The following PSAT1 variants were observed in gnomAD, a reference collection of about 807,000 sequenced individuals.
The protein encoded by PSAT1 is phosphoserine aminotransferase 1, also known as phosphoserine aminotransferase.
Under a neutral mutation model 40.3 loss-of-function variants are expected in PSAT1, and 41 were observed. The ratio of observed to expected loss-of-function variants is 1.02; its 90% CI spans 0.79 to 1.32. The LOEUF is 1.32. PSAT1 is among the 40% of genes most tolerant of loss of function. PSAT1 has a pLI of 0.00. For missense variants in PSAT1, 406 were observed against 455.8 expected (o/e 0.89, Z 0.99); for synonymous variants, 147 against 170.5 (o/e 0.86, Z 1.07).
intron 1 of PSAT1, chr9:78,298,258 G>A (rs925521542): frequency 1.0e-6 from 1 of 982,772 alleles, no homozygotes. Context: ...GGCTGCCGCC[G>A]CCGTTAGATT....
chr9:78,312,922 C>A (rs1165783069), intron 6 of PSAT1, among the ~76,000 whole-genome samples: 4 of 152,158 alleles, frequency 2.6e-5, no homozygotes, highest in Non-Finnish European at 5.9e-5. Context: ...CCTGAGAAAA[C>A]TGTGCCATAA....
chr9:78,309,858 A>G (rs949637997), intron 6 of PSAT1, among the ~76,000 whole-genome samples: 1 of 152,176 alleles, frequency 6.6e-6, no homozygotes, highest in Non-Finnish European at 1.5e-5. Flanking sequence ...AGAGTCTAGT[A>G]TTTACTAGCT....
Position 78,318,480 on chromosome 9 carries a change from A to T in PSAT1, c.869+676A>T, listed in dbSNP as rs938380583. Among the ~76,000 whole-genome samples, 11 of 152,300 alleles carry T rather than the reference A, an allele frequency of 7.2e-5. No homozygotes were observed. The East Asian group carries it at 1.9e-3, about 27-fold the overall frequency. The stretch of plus-strand genomic sequence containing the variant: ...AGTGGCTCAAAACATCAGAAAACTG[A>T]TTCTCACTCTTCTGGGGCCAGAAGT... On this transcript the variant is annotated intron_variant, in intron 7 of 8. Transcript: ENST00000376588.
intron 7 of PSAT1, among the ~76,000 whole-genome samples, chr9:78,324,008 C>T (rs1358036158): frequency 6.6e-6 from 1 of 152,116 alleles, no homozygotes; most frequent in African/African-American, 2.4e-5. Flanking sequence ...GCCTTACCAC[C>T]TTCGTGGGAT....
At chr9:78,322,142 A>C (rs1003214026) in intron 7 of PSAT1, among the ~76,000 whole-genome samples, 8 of 149,148 alleles carry the variant, frequency 5.4e-5, no homozygotes, top group African/African-American at 1.7e-4. Context: ...ATAAGTATAT[A>C]ATATATATTA....
In PSAT1 at chr9:78,304,818, G is replaced by A; in HGVS notation, c.275G>A (p.Gly92Asp). The change falls in exon 4 of 9, where the codon GGC becomes GAC. Residue 92 changes from glycine to aspartate, a missense_variant. Physicochemically the swap from Gly to Asp is moderately conservative, Grantham distance 94. Coordinates refer to ENST00000376588, the MANE Select transcript of PSAT1 (RefSeq NM_058179.4). Reference sequence around the variant, plus strand: ...AGTGCTGTCCCCTTAAACCTCATTGGCTTGAAAGCAGGAAGGTGTGCTGAC... The same window carrying A: ...AGTGCTGTCCCCTTAAACCTCATTGACTTGAAAGCAGGAAGGTGTGCTGAC... ...QFSAVPLNLI[G>D]LKAGRCADYV... The A allele has an allele frequency of 3.1e-6, 5 of 1,614,182 alleles. No homozygotes were observed. The highest frequency in any genetic ancestry group is 4.2e-6 in the Non-Finnish European group (5 of 1,180,034).
intron 8 of PSAT1, among the ~76,000 whole-genome samples, chr9:78,328,584 C>T (rs62565653): frequency 0.11 from 17,256 of 152,070 alleles, 1,148 homozygotes; most frequent in South Asian, 0.17. Context: ...AATAAATGTC[C>T]TCACATGAGA....
chr9:78,299,002 T>C (rs1396278816), intron 1 of PSAT1, among the ~76,000 whole-genome samples: 2 of 151,948 alleles, frequency 1.3e-5, no homozygotes, highest in Non-Finnish European at 2.9e-5. Flanking sequence ...GAGCTGGGTG[T>C]GGTGGCGCAC....
intron 6 of PSAT1, among the ~76,000 whole-genome samples, chr9:78,313,422 G>A (rs931685735): frequency 1.3e-5 from 2 of 151,990 alleles, no homozygotes; most frequent in East Asian, 3.9e-4. Flanking sequence ...AAGACTTGCA[G>A]GTGGGCAGAG....
At position 78,297,278 on chromosome 9, in the gene PSAT1, C is replaced by G. The variant is rs753386884; in HGVS notation, c.60+8C>G. 4.1e-5 allele frequency: 65 copies of G among 1,597,006 alleles called. No individual in the cohort carries two copies. The highest frequency in any genetic ancestry group is 4.1e-4 in the Middle Eastern group (2 of 4,904). On this transcript the variant is annotated splice_region_variant and intron_variant, in intron 1 of 8. Coordinates refer to ENST00000376588, the MANE Select transcript of PSAT1 (RefSeq NM_058179.4). Reference sequence around the variant, plus strand: ...GCCAAGCTGCCGCACTCAGTAAGTCCCCGCGAGCGGGCGCCGGGAGTGAGG... The same window carrying G: ...GCCAAGCTGCCGCACTCAGTAAGTCGCCGCGAGCGGGCGCCGGGAGTGAGG...
At chr9:78,305,469 A>T (rs1013253512) in intron 4 of PSAT1, among the ~76,000 whole-genome samples, 57 of 152,282 alleles carry the variant, frequency 3.7e-4, no homozygotes, top group Non-Finnish European at 7.6e-4. Context: ...TTTTTCAGCT[A>T]ATTAGCTGAA....
chr9:78,301,455 T>C (rs1441124092), intron 2 of PSAT1, among the ~76,000 whole-genome samples: 1 of 152,200 alleles, frequency 6.6e-6, no homozygotes, highest in Non-Finnish European at 1.5e-5. Context: ...TTCTAAAACT[T>C]ATTTTCTTTT....
chr9:78,316,622 T>C (rs1478505966), intron 6 of PSAT1, among the ~76,000 whole-genome samples: 1 of 152,166 alleles, frequency 6.6e-6, no homozygotes, highest in Non-Finnish European at 1.5e-5. Context: ...ACCTGCATAC[T>C]GGCTGGAGGG....
chr9:78,307,986 C>A (rs1035186289), intron 5 of PSAT1, among the ~76,000 whole-genome samples: 3 of 152,088 alleles, frequency 2.0e-5, no homozygotes, highest in African/African-American at 7.2e-5. Flanking sequence ...TTGCAGTGAG[C>A]CGAGATTGCG....
At chr9:78,305,045 G>A in intron 4 of PSAT1, 105 bp downstream of exon 4, 2 of 1,002,950 alleles carry the variant, frequency 2.0e-6, no homozygotes, top group Non-Finnish European at 3.1e-6. Flanking sequence ...GACAGTGTTA[G>A]TTCATTACCA....
At chr9:78,297,970 C>T (rs1587630557) in intron 1 of PSAT1, among the ~76,000 whole-genome samples, 1 of 152,208 alleles carries the variant, frequency 6.6e-6, no homozygotes, top group East Asian at 1.9e-4. Context: ...CCACCCCCCT[C>T]CTTTTTTTAA....
intron 6 of PSAT1, among the ~76,000 whole-genome samples, chr9:78,316,387 G>A (rs556672114): frequency 6.6e-6 from 1 of 152,320 alleles, no homozygotes; most frequent in East Asian, 1.9e-4. Flanking sequence ...CAGCGGGAAT[G>A]TTGGCTTCAT....
At position 78,299,663 on chromosome 9, in the gene PSAT1, C is replaced by A. The variant is rs562680869; in HGVS notation, c.61-939C>A. ...GAGTAACTGGGATTACAGGCACCCA[C>A]CACCAAGCCCAGCTAATTTTTGTAT... On this transcript the variant is annotated intron_variant, in intron 1 of 8. Transcript: ENST00000376588. Among the ~76,000 whole-genome samples the A allele has an allele frequency of 2.0e-5, 3 of 152,040 alleles. No individual in the cohort carries two copies. In the South Asian group the frequency reaches 6.2e-4, roughly 31 times the overall value.
intron 2 of PSAT1, 131 bp from the exon 3 acceptor site, chr9:78,301,823 G>A (rs1301462244): frequency 2.7e-6 from 2 of 744,706 alleles, no homozygotes; most frequent in South Asian, 1.5e-5. Context: ...GTGAGCCTTG[G>A]CCCACAATTT....
Sources: allele counts gnomAD v4.1 joint callset (sites outside exome capture counted in the v4.1 genomes callset), GRCh38; gene constraint gnomAD v4.1.1; transcripts MANE v1.5; gene names NCBI Gene and HGNC (gene_info 2026-07-23, HGNC 2026-07-21).